ITPRID1: variants seen among roughly 807,000 people sequenced by gnomAD.
The protein encoded by ITPRID1 is ITPR interacting domain containing 1.
In ITPRID1, 96 loss-of-function variants were observed where a neutral mutation model predicts 95.4. That is an observed-to-expected ratio of 1.01 (90% CI 0.85 to 1.19). ITPRID1 has a LOEUF of 1.19. Ranked by LOEUF, ITPRID1 falls within the 50% of genes most tolerant of loss-of-function variation. The pLI is 0.00. For synonymous variants in ITPRID1, 510 were observed against 453.6 expected, an observed-to-expected ratio of 1.12 and a Z score of -1.58; for missense variants, 1,339 against 1,252.9, an observed-to-expected ratio of 1.07 and a Z score of -1.04.
At chr7:31,584,624 C>A (rs1384234385) in intron 10 of ITPRID1, among the ~76,000 whole-genome samples, 1 of 152,110 alleles carries the variant, frequency 6.6e-6, no homozygotes. Context: ...TGAAGGAGAG[C>A]CTAATGGATA....
intron 10 of ITPRID1, among the ~76,000 whole-genome samples, chr7:31,599,354 G>A (rs1786245968): frequency 1.3e-5 from 2 of 152,094 alleles, no homozygotes; most frequent in South Asian, 2.1e-4. Flanking sequence ...AACATCTGCT[G>A]TATATTAATA....
chr7:31,519,042 C>G (rs926726530), intron 1 of ITPRID1, among the ~76,000 whole-genome samples: 1 of 152,092 alleles, frequency 6.6e-6, no homozygotes, highest in African/African-American at 2.4e-5. Flanking sequence ...GACAGTAGCC[C>G]AAATTTCTCA....
chr7:31,540,780 C>T (rs1783907944), intron 1 of ITPRID1, among the ~76,000 whole-genome samples: 1 of 152,150 alleles, frequency 6.6e-6, no homozygotes, highest in Non-Finnish European at 1.5e-5. Flanking sequence ...CTTGAGGTTC[C>T]AAGATAACTT....
chr7:31,572,886 A>C (rs1031477022), intron 7 of ITPRID1, among the ~76,000 whole-genome samples: 2 of 152,242 alleles, frequency 1.3e-5, no homozygotes, highest in Admixed American at 6.5e-5. Flanking sequence ...TGTACCTAGC[A>C]TAGAACCTAG....
chr7:31,592,737 T>G (rs1009666680), intron 10 of ITPRID1, among the ~76,000 whole-genome samples: 1 of 152,108 alleles, frequency 6.6e-6, no homozygotes, highest in African/African-American at 2.4e-5. Flanking sequence ...ACCGCTCACC[T>G]CCTAGTGTAT....
chr7:31,554,964 G>A (rs772018761), intron 5 of ITPRID1, 63 bp downstream of exon 5: 33 of 1,179,372 alleles, frequency 2.8e-5, no homozygotes, highest in Middle Eastern at 1.9e-4. Flanking sequence ...AAATATCTAC[G>A]TGAATAAATC....
At chr7:31,572,080 G>T in intron 6 of ITPRID1, 22 bp from the exon 7 acceptor site, 1 of 1,501,074 alleles carries the variant, frequency 6.7e-7, no homozygotes, top group Non-Finnish European at 9.3e-7. Context: ...ACATCTCATT[G>T]TTGATATTTT....
At chr7:31,615,809 A>G (rs1183339916) in intron 10 of ITPRID1, among the ~76,000 whole-genome samples, 2 of 149,324 alleles carry the variant, frequency 1.3e-5, no homozygotes, top group Non-Finnish European at 3.0e-5. Flanking sequence ...GCTGGAGTGC[A>G]GTGGTGCAAT....
chr7:31,603,357 A>G (rs555927245), intron 10 of ITPRID1, among the ~76,000 whole-genome samples: 1 of 152,024 alleles, frequency 6.6e-6, no homozygotes, highest in East Asian at 1.9e-4. Flanking sequence ...CTCCTGTGAC[A>G]TTGCAAGTAA....
At position 31,573,379 on chromosome 7, in the gene ITPRID1, TA is replaced by T. The variant is rs199549317; in HGVS notation, c.396-1155del. 4.0e-3 allele frequency among the ~76,000 whole-genome samples: 604 copies of T among 150,948 alleles called. 7 individuals carry two copies. Among genetic ancestry groups the T allele is most frequent in the Admixed American group, 0.03 (460 of 15,148 alleles). On this transcript the variant is annotated intron_variant, in intron 7 of 14. Coordinates refer to ENST00000615280, the MANE Select transcript of ITPRID1 (RefSeq NM_001257967.3). ...ATTAAAAATTTTAGTTTTTTTTTTT[TA>T]AAAAAGAGACACAAAATAATTAAAG...
chr7:31,644,103 G>A (rs1790260477), intron 12 of ITPRID1, 150 bp downstream of exon 12: 1 of 698,662 alleles, frequency 1.4e-6, no homozygotes, highest in African/African-American at 1.8e-5. Flanking sequence ...GTGCTTTATT[G>A]TTTATGATAT....
At chr7:31,556,106 C>T (rs567074233) in intron 5 of ITPRID1, among the ~76,000 whole-genome samples, 1 of 152,112 alleles carries the variant, frequency 6.6e-6, no homozygotes, top group South Asian at 2.1e-4. Context: ...TCATCAGTAA[C>T]CATACTAAAA....
intron 1 of ITPRID1, among the ~76,000 whole-genome samples, chr7:31,544,091 T>C (rs1262558441): frequency 6.6e-6 from 1 of 152,120 alleles, no homozygotes; most frequent in African/African-American, 2.4e-5. Flanking sequence ...TTGTGTTCTA[T>C]TGTTCTATTT....
intron 10 of ITPRID1, among the ~76,000 whole-genome samples, chr7:31,610,984 G>T (rs1325079186): frequency 6.6e-6 from 1 of 151,078 alleles, no homozygotes; most frequent in Non-Finnish European, 1.5e-5. Context: ...TAGGATTTAT[G>T]TCTGTCATTT....
chr7:31,634,024 T>C (rs1789250504), intron 10 of ITPRID1, among the ~76,000 whole-genome samples: 1 of 152,194 alleles, frequency 6.6e-6, no homozygotes, highest in Non-Finnish European at 1.5e-5. Flanking sequence ...AGGTTGACTT[T>C]TCTTACTAAT....
chr7:31,575,037 C>G (rs1000355760), intron 8 of ITPRID1, among the ~76,000 whole-genome samples: 1 of 152,174 alleles, frequency 6.6e-6, no homozygotes, highest in Non-Finnish European at 1.5e-5. Context: ...GAATGATACT[C>G]AGCTCTTACA....
chr7:31,647,701 G>GGAA (rs78901984), intron 12 of ITPRID1, among the ~76,000 whole-genome samples: 105,220 of 139,948 alleles, frequency 0.75, 39,906 homozygotes, highest in East Asian at 0.83. Context: ...AAAAAGAAGA[G>GGAA]GAAGAAGAAG....
intron 5 of ITPRID1, among the ~76,000 whole-genome samples, chr7:31,566,489 T>A (rs553712003): frequency 6.6e-6 from 1 of 152,230 alleles, no homozygotes; most frequent in South Asian, 2.1e-4. Context: ...TCAAAAACTC[T>A]CCAGAATCAT....
chr7:31,550,844 T>C (rs1784263608), intron 2 of ITPRID1, among the ~76,000 whole-genome samples: 1 of 142,740 alleles, frequency 7.0e-6, no homozygotes, highest in African/African-American at 2.5e-5. Flanking sequence ...AGATGGAAGT[T>C]TGGGGACGTA....
Sources: allele counts gnomAD v4.1 joint callset (sites outside exome capture counted in the v4.1 genomes callset), GRCh38; gene constraint gnomAD v4.1.1; transcripts MANE v1.5; gene names NCBI Gene and HGNC (gene_info 2026-07-23, HGNC 2026-07-21).